YAP1: variants seen among roughly 807,000 people sequenced by gnomAD.
YAP1 encodes the protein transcriptional coactivator YAP1.
A neutral mutation model predicts 56.9 loss-of-function variants in YAP1; 5 were observed. That is an observed-to-expected ratio of 0.09 (90% CI 0.05 to 0.18). The LOEUF is 0.18. Among genes scored for constraint, YAP1 ranks in the 10% least tolerant of loss-of-function variants. YAP1 has a pLI of 1.00. For synonymous variants in YAP1, 265 were observed against 248.1 expected (o/e 1.07, Z -0.64); for missense variants, 539 against 651.8 (o/e 0.83, Z 1.88).
At chr11:102,195,204 C>T (rs1382423725) in intron 4 of YAP1, among the ~76,000 whole-genome samples, 1 of 152,196 alleles carries the variant, frequency 6.6e-6, no homozygotes, top group African/African-American at 2.4e-5. Context: ...TCTGCCTCAC[C>T]TCATTTAGCA....
intron 3 of YAP1, among the ~76,000 whole-genome samples, chr11:102,165,629 T>C (rs148634948): frequency 1.3e-5 from 2 of 152,118 alleles, no homozygotes; most frequent in Non-Finnish European, 2.9e-5. Context: ...TGAGCATGTT[T>C]ACAGCGTGCT....
chr11:102,231,792 C>G lies in YAP1; in HGVS notation c.*1852C>G, dbSNP rs1415368423. ...ACAGGCATAAAATCTCTTCTCCTGG[C>G]AAAAGCTGCTATGAAAAGCCTCAGC... is the stretch of plus-strand genomic sequence containing the variant. On this transcript the variant is annotated 3_prime_UTR_variant, in exon 9 of 9. Coordinates refer to ENST00000282441, the MANE Select transcript of YAP1 (RefSeq NM_001130145.3). 4 of 152,550 alleles carry G rather than the reference C, an allele frequency of 2.6e-5. No individual in the cohort carries two copies. Among genetic ancestry groups the G allele is most frequent in the African/African-American group, 9.7e-5 (4 of 41,434 alleles). The allele number at this position is 152,550 out of a possible 1,614,324, so 9.4% of individuals were successfully genotyped here.
At chr11:102,217,009 A>G (rs938221708) in intron 6 of YAP1, among the ~76,000 whole-genome samples, 4 of 152,234 alleles carry the variant, frequency 2.6e-5, no homozygotes, top group African/African-American at 4.8e-5. Flanking sequence ...AGTCAGAGCT[A>G]TCTACGCTGT....
intron 1 of YAP1, among the ~76,000 whole-genome samples, chr11:102,111,871 C>T (rs934895393): frequency 6.6e-6 from 1 of 151,626 alleles, no homozygotes; most frequent in African/African-American, 2.4e-5. Context: ...CCTCGCGGCT[C>T]AGGCGATTTC....
intron 3 of YAP1, among the ~76,000 whole-genome samples, chr11:102,178,567 T>C (rs1429851174): frequency 1.3e-5 from 2 of 152,238 alleles, no homozygotes; most frequent in South Asian, 2.1e-4. Context: ...TTTTAAAATA[T>C]CACAGGGAGT....
chr11:102,119,621 C>T (rs1448314930), intron 2 of YAP1, among the ~76,000 whole-genome samples: 2 of 147,590 alleles, frequency 1.4e-5, no homozygotes, highest in Non-Finnish European at 1.5e-5. Flanking sequence ...ATCTAGATAG[C>T]ATTTAAATAG....
chr11:102,207,196 G>A (rs1301959778), intron 5 of YAP1, among the ~76,000 whole-genome samples: 1 of 152,088 alleles, frequency 6.6e-6, no homozygotes, highest in East Asian at 1.9e-4. Flanking sequence ...TAGATGTACA[G>A]AGGTGAAAGT....
intron 3 of YAP1, among the ~76,000 whole-genome samples, chr11:102,174,760 C>T (rs1372000979): frequency 2.0e-5 from 3 of 152,060 alleles, no homozygotes; most frequent in Admixed American, 6.6e-5. Flanking sequence ...AAAAAGTCAG[C>T]GTCTCTACTT....
chr11:102,151,998 T>C (rs1342823256), intron 2 of YAP1, among the ~76,000 whole-genome samples: 2 of 152,180 alleles, frequency 1.3e-5, no homozygotes, highest in Non-Finnish European at 2.9e-5. Context: ...CACAGCTGTG[T>C]GTCCAGGAAT....
chr11:102,230,107 C>G lies in YAP1; in HGVS notation c.*167C>G, dbSNP rs1372410075. ...TTTTGCTCTTCCTTGTCCATTGCTG[C>G]TGTTAATGTATTGCTGACCTCTTTC... On this transcript the variant is annotated 3_prime_UTR_variant, in exon 9 of 9. Coordinates refer to ENST00000282441, the MANE Select transcript of YAP1 (RefSeq NM_001130145.3). 1.6e-6 allele frequency: 1 copy of G among 616,216 alleles called. No individual in the cohort carries two copies. Among genetic ancestry groups the G allele is most frequent in the African/African-American group, 1.8e-5 (1 of 54,566 alleles). 38.2% of individuals were successfully genotyped at this position (616,216 alleles called of 1,614,324 possible).
intron 4 of YAP1, among the ~76,000 whole-genome samples, chr11:102,193,363 G>A (rs546479999): frequency 8.2e-4 from 124 of 152,110 alleles, no homozygotes; most frequent in Non-Finnish European, 1.5e-3. Context: ...ATTCTAAAAA[G>A]TAAACAACTT....
intron 2 of YAP1, among the ~76,000 whole-genome samples, chr11:102,151,275 A>C (rs1945641613): frequency 6.6e-6 from 1 of 152,188 alleles, no homozygotes; most frequent in African/African-American, 2.4e-5. Context: ...AGTGGGGTTT[A>C]GCTGAAATGT....
chr11:102,123,645 TC>T (rs1362938990), intron 2 of YAP1, among the ~76,000 whole-genome samples: 6 of 81,840 alleles, frequency 7.3e-5, no homozygotes, highest in South Asian at 7.4e-4. Context: ...TTTTTTTTTT[TC>T]TTTTTTTTTT....
intron 2 of YAP1, among the ~76,000 whole-genome samples, chr11:102,131,619 T>C (rs568139917): frequency 6.6e-6 from 1 of 152,238 alleles, no homozygotes; most frequent in African/African-American, 2.4e-5. Context: ...TCTTCCTGAT[T>C]GATGACTGTA....
At chr11:102,212,513 A>T (rs1030682960) in intron 6 of YAP1, among the ~76,000 whole-genome samples, 1 of 152,336 alleles carries the variant, frequency 6.6e-6, no homozygotes, top group Middle Eastern at 3.4e-3. Flanking sequence ...TTAATTTATT[A>T]TACTATGTTG....
intron 3 of YAP1, among the ~76,000 whole-genome samples, chr11:102,171,316 T>G (rs1267086074): frequency 3.9e-5 from 6 of 152,240 alleles, no homozygotes; most frequent in Non-Finnish European, 8.8e-5. Context: ...TGTGAAAGAT[T>G]AAGATGCTAA....
rs1386947551 is a variant in YAP1 at position 102,205,910 on chromosome 11, A to C, written c.820A>C (p.Ser274Arg). 1 of 1,570,500 alleles carries C rather than the reference A, an allele frequency of 6.4e-7. No homozygotes were observed. Among genetic ancestry groups the C allele is most frequent in the Non-Finnish European group, 8.6e-7 (1 of 1,156,752 alleles). Residue 274 changes from serine (S) to arginine (R), a missense_variant, in exon 5 of 9, where the codon AGT (serine) becomes CGT (arginine). Physicochemically the swap from Ser to Arg is moderately radical, Grantham distance 110. Around this residue, in one of 4 missense-constraint regions of YAP1, gnomAD observed 414 missense variants for 512.4 expected, o/e 0.81. Transcript: ENST00000282441. ...CATTTCAGCCATGAACCAGAGAATC[A>C]GTCAGAGTGCTCCAGTGAAACAGCC... ...DPRFAMNQRI[S>R]QSAPVKQPPP...
intron 2 of YAP1, among the ~76,000 whole-genome samples, chr11:102,148,205 T>G (rs1270255484): frequency 6.6e-6 from 1 of 152,180 alleles, no homozygotes; most frequent in Admixed American, 6.5e-5. Flanking sequence ...TTGGTGTTTC[T>G]TAGTTGACTT....
intron 2 of YAP1, among the ~76,000 whole-genome samples, chr11:102,138,475 G>T (rs1021467621): frequency 5.9e-5 from 9 of 152,116 alleles, no homozygotes; most frequent in African/African-American, 2.2e-4. Context: ...AGGTGTTGCT[G>T]GGAACATTCC....
Sources: gnomAD v4.1 joint callset for allele counts (sites outside exome capture counted in the v4.1 genomes callset) on GRCh38, gnomAD v4.1.1 for gene constraint, gnomAD v4.1.1 regional missense constraint, MANE v1.5 for transcripts, NCBI Gene and HGNC (gene_info 2026-07-23, HGNC 2026-07-21) for gene names.